The following HECW1 variants were observed in gnomAD, a reference collection of about 807,000 sequenced individuals.
HECW1 encodes E3 ubiquitin-protein ligase HECW1.
A neutral mutation model predicts 182.3 loss-of-function variants in HECW1; 61 were observed. The observed-to-expected ratio is 0.33, with a 90% CI of 0.27 to 0.41. HECW1 has a LOEUF of 0.41. Among genes scored for constraint, HECW1 ranks in the 10% least tolerant of loss-of-function variants. HECW1 has a pLI of 1.00. For synonymous variants in HECW1, 859 were observed against 832.6 expected (o/e 1.03, Z -0.55); for missense variants, 1,739 against 2,108.9 (o/e 0.82, Z 3.44).
intron 3 of HECW1, among the ~76,000 whole-genome samples, chr7:43,258,091 G>A (rs758264333): frequency 3.3e-5 from 5 of 152,174 alleles, no homozygotes; most frequent in Non-Finnish European, 5.9e-5. Flanking sequence ...TGTAATCTCA[G>A]CACTGTGGGA....
At chr7:43,441,577 A>G (rs1177059568) in intron 9 of HECW1, among the ~76,000 whole-genome samples, 1 of 152,240 alleles carries the variant, frequency 6.6e-6, no homozygotes, top group Non-Finnish European at 1.5e-5. Flanking sequence ...GTTTTAGAAC[A>G]CAGGTTGGCA....
intron 4 of HECW1, 81 bp from the exon 5 acceptor site, chr7:43,320,553 TC>T: frequency 1.1e-6 from 1 of 941,162 alleles, no homozygotes; most frequent in Non-Finnish European, 1.7e-6. Flanking sequence ...AGCATTTGTA[TC>T]CTTTGCTTTT....
At chr7:43,371,521 T>G (rs924277361) in intron 6 of HECW1, among the ~76,000 whole-genome samples, 2 of 152,134 alleles carry the variant, frequency 1.3e-5, no homozygotes, top group Non-Finnish European at 2.9e-5. Flanking sequence ...TTCAAAAGTT[T>G]TATGGTACCC....
chr7:43,180,143 A>G (rs1792679503), intron 2 of HECW1, among the ~76,000 whole-genome samples: 1 of 152,222 alleles, frequency 6.6e-6, no homozygotes, highest in African/African-American at 2.4e-5. Flanking sequence ...GCCTAAAAGA[A>G]CAAAAGATGG....
chr7:43,326,784 G>A (rs1030941366), intron 5 of HECW1, among the ~76,000 whole-genome samples: 10 of 152,266 alleles, frequency 6.6e-5, no homozygotes, highest in Admixed American at 5.2e-4. Context: ...CAAAGCTGGA[G>A]ACCAAAGGGC....
chr7:43,468,374 C>G (rs1469787566), intron 15 of HECW1, among the ~76,000 whole-genome samples: 1 of 152,036 alleles, frequency 6.6e-6, no homozygotes, highest in East Asian at 1.9e-4. Flanking sequence ...AGAGGGAGGC[C>G]AAGGAGAGCC....
intron 2 of HECW1, among the ~76,000 whole-genome samples, chr7:43,148,109 C>T (rs1234645908): frequency 1.3e-5 from 2 of 152,206 alleles, no homozygotes; most frequent in East Asian, 3.9e-4. Flanking sequence ...AGGGAGTGCC[C>T]TTGAATTCAA....
Position 43,361,866 on chromosome 7 carries a change from C to T in HECW1, c.555+886C>T, listed in dbSNP as rs1389947426. ...TACATTAAAAAAAAAACAGGCCAGGCGCAGTGGCTCACGCCTGTAATCCCA... is the reference window on the plus strand; with the variant it reads ...TACATTAAAAAAAAAACAGGCCAGGTGCAGTGGCTCACGCCTGTAATCCCA... On this transcript the variant is annotated intron_variant, in intron 6 of 29. Transcript: ENST00000395891. Among the ~76,000 whole-genome samples the T allele has an allele frequency of 4.7e-5, 6 of 129,028 alleles. No homozygotes were observed. The East Asian group carries it at 6.7e-4, about 14-fold the overall frequency. 84.6% of individuals were successfully genotyped at this position (129,028 alleles called of 152,430 possible).
intron 2 of HECW1, among the ~76,000 whole-genome samples, chr7:43,132,374 C>T (rs1787043973): frequency 6.6e-6 from 1 of 152,176 alleles, no homozygotes; most frequent in African/African-American, 2.4e-5. Context: ...GGACAAATTC[C>T]TATTCCCCAA....
intron 5 of HECW1, among the ~76,000 whole-genome samples, chr7:43,332,153 A>G (rs181567124): frequency 6.6e-5 from 10 of 152,038 alleles, no homozygotes; most frequent in Admixed American, 4.6e-4. Context: ...CTCAGGAGTG[A>G]TTTTCATCTA....
intron 2 of HECW1, among the ~76,000 whole-genome samples, chr7:43,114,612 C>T (rs546145900): frequency 2.0e-5 from 3 of 152,312 alleles, no homozygotes; most frequent in South Asian, 2.1e-4. Context: ...TATTTTAATT[C>T]CTAGACCTCC....
chr7:43,479,291 A>G (rs576294342), intron 16 of HECW1, among the ~76,000 whole-genome samples: 43 of 152,264 alleles, frequency 2.8e-4, no homozygotes, highest in African/African-American at 1.0e-3. Flanking sequence ...AGGAGTGTGC[A>G]ACCCAGATCC....
Position 43,507,096 on chromosome 7 carries a change from G to C in HECW1, c.3632-41G>C, listed in dbSNP as rs2079613576. The C allele has an allele frequency of 5.0e-6, 8 of 1,585,858 alleles. No individual in the cohort carries two copies. The South Asian group carries it at 5.8e-5, about 11-fold the overall frequency. On this transcript the variant is annotated intron_variant, in intron 21 of 29. Coordinates refer to ENST00000395891, the MANE Select transcript of HECW1 (RefSeq NM_015052.5). ...AAAAAGAAAAAAAGAAGAAGAAGAAGAAGAAAGAAAGTGATGACCTCTGTG... is the reference window on the plus strand; with the variant it reads ...AAAAAGAAAAAAAGAAGAAGAAGAACAAGAAAGAAAGTGATGACCTCTGTG...
In HECW1 at chr7:43,550,510, G is replaced by A. The variant is rs1372090496; in HGVS notation, c.4314G>A (p.Glu1438=). 3.7e-6 allele frequency: 6 copies of A among 1,614,130 alleles called. No homozygotes were observed. Among genetic ancestry groups the A allele is most frequent in the Non-Finnish European group, 5.1e-6 (6 of 1,180,018 alleles). Residue 1438 remains glutamate, a synonymous_variant, in exon 27 of 30, where the codon GAG becomes GAA. Transcript: ENST00000395891. Reference sequence around the variant, plus strand: ...AGGTGACGGAGAAAAACAAGAAGGAGTACATCGAGCGCATGGTGAAGTGGC... The same window carrying A: ...AGGTGACGGAGAAAAACAAGAAGGAATACATCGAGCGCATGGTGAAGTGGC... ...NTQVTEKNKK[E]YIERMVKWRV...
chr7:43,114,338 G>T lies in HECW1; in HGVS notation c.-85G>T. ...TGTGGTCCAAGGCGTCTCAAAGCAG[G>T]TGGCCAGATCTGCGTTTCTCATCAG... On this transcript the variant is annotated 5_prime_UTR_variant, in exon 2 of 30. Transcript: ENST00000395891. 7.4e-7 allele frequency: 1 copy of T among 1,359,860 alleles called. No homozygotes were observed. Among genetic ancestry groups the T allele is most frequent in the South Asian group, 1.2e-5 (1 of 81,640 alleles). 84.2% of individuals were successfully genotyped at this position (1,359,860 alleles called of 1,614,324 possible). A position where few individuals can be genotyped will look rare whatever the true frequency, so the allele number is the denominator to read the frequency against.
At chr7:43,217,291 G>A (rs1408625891) in intron 2 of HECW1, among the ~76,000 whole-genome samples, 1 of 152,134 alleles carries the variant, frequency 6.6e-6, no homozygotes, top group African/African-American at 2.4e-5. Flanking sequence ...ACCCACTACT[G>A]TAAATTAAAA....
chr7:43,210,757 CA>C (rs1795938690), intron 2 of HECW1, among the ~76,000 whole-genome samples: 1 of 152,178 alleles, frequency 6.6e-6, no homozygotes, highest in Admixed American at 6.5e-5. Context: ...CAATCCAGAG[CA>C]GCAATGGGCG....
At chr7:43,154,614 C>T (rs530613920) in intron 2 of HECW1, among the ~76,000 whole-genome samples, 1 of 152,252 alleles carries the variant, frequency 6.6e-6, no homozygotes, top group East Asian at 1.9e-4. Flanking sequence ...TATTAGGAAA[C>T]ATTAGTATGC....
chr7:43,523,564 G>A (rs534194414), intron 24 of HECW1, among the ~76,000 whole-genome samples: 6 of 152,182 alleles, frequency 3.9e-5, no homozygotes, highest in South Asian at 2.1e-4. Context: ...GCTTGAACCC[G>A]GGAGGTGGAG....
Sources: allele counts gnomAD v4.1 joint callset (sites outside exome capture counted in the v4.1 genomes callset), GRCh38; gene constraint gnomAD v4.1.1; transcripts MANE v1.5; gene names NCBI Gene and HGNC (gene_info 2026-07-23, HGNC 2026-07-21).